CELF4: variants seen among roughly 807,000 people sequenced by gnomAD.
CELF4 encodes the protein CUGBP Elav-like family member 4.
A neutral mutation model predicts 59.9 loss-of-function variants in CELF4; 18 were observed. The observed-to-expected ratio is 0.30, with a 90% CI of 0.21 to 0.45. The LOEUF is 0.45. CELF4 is among the 20% of genes least tolerant of loss of function. The pLI is 1.00. For synonymous variants in CELF4, 261 were observed against 267.1 expected (o/e 0.98, Z 0.22); for missense variants, 456 against 689.0 (o/e 0.66, Z 3.79).
chr18:37,384,853 G>A (rs371047798), intron 2 of CELF4, among the ~76,000 whole-genome samples: 1 of 152,174 alleles, frequency 6.6e-6, no homozygotes, highest in Non-Finnish European at 1.5e-5. Context: ...GTCACCCAGT[G>A]AGGTGGCCAG....
rs75987008 is a variant in CELF4 at position 37,513,105 on chromosome 18, C to A, written c.287-27498G>T. On this transcript the variant is annotated intron_variant, in intron 1 of 12. Transcript: ENST00000420428. ...TTGGGAGAAGAGTTGAAACCCATGA[C>A]CTTCCCTAGCATCCACCAACCACCT... Among the ~76,000 whole-genome samples, 1,294 of 152,310 alleles carry A rather than the reference C, an allele frequency of 8.5e-3. 7 individuals are homozygous for A. Among genetic ancestry groups the A allele is most frequent in the Middle Eastern group, 0.051 (15 of 292 alleles).
intron 2 of CELF4, among the ~76,000 whole-genome samples, chr18:37,379,151 C>T (rs1023028142): frequency 5.3e-5 from 8 of 152,130 alleles, no homozygotes; most frequent in African/African-American, 1.7e-4. Flanking sequence ...TCCCCCGGGG[C>T]CTGGCCTAGG....
chr18:37,456,292 G>A (rs1240249996), intron 2 of CELF4, among the ~76,000 whole-genome samples: 1 of 152,114 alleles, frequency 6.6e-6, no homozygotes, highest in African/African-American at 2.4e-5. Context: ...GGCTTGGTAA[G>A]GACTCTGGAA....
chr18:37,491,749 T>TG (rs1346147547), intron 1 of CELF4, among the ~76,000 whole-genome samples: 1 of 151,894 alleles, frequency 6.6e-6, no homozygotes, highest in Non-Finnish European at 1.5e-5. Context: ...CACGCAGGGG[T>TG]GGCGGATGCC....
intron 2 of CELF4, among the ~76,000 whole-genome samples, chr18:37,432,696 C>T (rs2099673862): frequency 2.0e-5 from 3 of 152,224 alleles, no homozygotes; most frequent in Admixed American, 6.5e-5. Flanking sequence ...GAAGCTGCTT[C>T]CTGTTTCAGG....
In CELF4 at chr18:37,459,743, G is replaced by C. The variant is rs186459360; in HGVS notation, c.369+25782C>G. ...CTTGGGTTGGCTGTGCTCACACTCA[G>C]TGGGGAGCGGGTGGAGGTCTTGGCA... is the stretch of plus-strand genomic sequence containing the variant. On this transcript the variant is annotated intron_variant, in intron 2 of 12. Coordinates refer to ENST00000420428, the MANE Select transcript of CELF4 (RefSeq NM_020180.4). Among the ~76,000 whole-genome samples, 6 of 152,298 alleles carry C rather than the reference G, an allele frequency of 3.9e-5. No homozygotes were observed. In the East Asian group the frequency reaches 1.2e-3, roughly 29 times the overall value.
intron 1 of CELF4, among the ~76,000 whole-genome samples, chr18:37,514,703 T>A (rs1050727300): frequency 6.6e-6 from 1 of 152,104 alleles, no homozygotes; most frequent in African/African-American, 2.4e-5. Flanking sequence ...ATCTGGGGTA[T>A]AAAATGGGTT....
intron 2 of CELF4, among the ~76,000 whole-genome samples, chr18:37,410,001 G>A (rs996640429): frequency 6.6e-6 from 1 of 152,164 alleles, no homozygotes; most frequent in African/African-American, 2.4e-5. Flanking sequence ...TGCTAATATT[G>A]GGATGAGAAA....
At chr18:37,453,552 A>C (rs1277318545) in intron 2 of CELF4, among the ~76,000 whole-genome samples, 1 of 152,198 alleles carries the variant, frequency 6.6e-6, no homozygotes, top group Non-Finnish European at 1.5e-5. Flanking sequence ...AAGGGGTTAC[A>C]GAAAAAGCCG....
At chr18:37,549,428 G>A (rs762233291) in intron 1 of CELF4, among the ~76,000 whole-genome samples, 22 of 152,166 alleles carry the variant, frequency 1.4e-4, no homozygotes, top group Non-Finnish European at 2.9e-4. Flanking sequence ...GGGCTGCCCC[G>A]CAGGCCAGGC....
intron 2 of CELF4, among the ~76,000 whole-genome samples, chr18:37,482,108 TTG>T (rs34634718): frequency 0.29 from 43,614 of 151,808 alleles, 6,431 homozygotes; most frequent in South Asian, 0.37. Flanking sequence ...ATGTAGATAT[TTG>T]TGTGTGTGTG....
intron 3 of CELF4, among the ~76,000 whole-genome samples, chr18:37,291,860 C>T (rs1419395057): frequency 6.6e-6 from 1 of 152,232 alleles, no homozygotes; most frequent in East Asian, 1.9e-4. Context: ...TGACCAGTTC[C>T]TTGTCCCAAC....
rs535130661 is a variant in CELF4, at chr18:37,272,614, C to T, written c.949+402G>A. On this transcript the variant is annotated intron_variant, in intron 7 of 12. Coordinates refer to ENST00000420428, the MANE Select transcript of CELF4 (RefSeq NM_020180.4). ...AAAAAAGACGACACCCAAATGGGTTCCTTCTGTGCTTGGGCCAGGGGCTGA... is the reference window on the plus strand; with the variant it reads ...AAAAAAGACGACACCCAAATGGGTTTCTTCTGTGCTTGGGCCAGGGGCTGA... Among the ~76,000 whole-genome samples the T allele has an allele frequency of 2.0e-5, 3 of 149,412 alleles. No individual in the cohort carries two copies. The South Asian group carries it at 6.4e-4, about 32-fold the overall frequency.
intron 2 of CELF4, among the ~76,000 whole-genome samples, chr18:37,404,479 G>C (rs1171632970): frequency 1.3e-5 from 2 of 152,220 alleles, no homozygotes; most frequent in East Asian, 3.9e-4. Flanking sequence ...CAGGGAACTT[G>C]GAAAACAGGA....
chr18:37,246,293 TA>T lies in CELF4; in HGVS notation c.*45-1097del, dbSNP rs774679132. 8.5e-5 allele frequency among the ~76,000 whole-genome samples: 13 copies of T among 152,096 alleles called. No homozygotes were observed. Among genetic ancestry groups the T allele is most frequent in the Non-Finnish European group, 1.9e-4 (13 of 68,012 alleles). ...CAGTCTAAACAATTACAACACCAAA[TA>T]AAATAATAATAAAATTAAAAAACAC... On this transcript the variant is annotated intron_variant, in intron 12 of 12. Transcript: ENST00000420428. The surrounding 1 kb of genome is among the most constrained non-coding windows in gnomAD (Gnocchi z 5.3).
chr18:37,431,362 C>CTTTT lies in CELF4; in HGVS notation c.369+54159_369+54162dup, dbSNP rs35971960. Among the ~76,000 whole-genome samples the CTTTT allele has an allele frequency of 8.5e-4, 69 of 81,556 alleles. 1 individual carries two copies. Among genetic ancestry groups the CTTTT allele is most frequent in the East Asian group, 2.0e-3 (5 of 2,456 alleles). The allele number at this position is 81,556 out of a possible 152,430, so 53.5% of individuals were successfully genotyped here. On this transcript the variant is annotated intron_variant, in intron 2 of 12. Coordinates refer to ENST00000420428, the MANE Select transcript of CELF4 (RefSeq NM_020180.4). ...ACACAGCCACTTTCTCCTTTCTTTC[C>CTTTT]TTTTTTTTTTTTTTTTTTTTTTTGA...
At chr18:37,441,168 G>A (rs1004869300) in intron 2 of CELF4, among the ~76,000 whole-genome samples, 4 of 152,142 alleles carry the variant, frequency 2.6e-5, no homozygotes, top group East Asian at 1.9e-4. Context: ...TCCCAGCCAC[G>A]GAGGGTGGGG....
intron 2 of CELF4, among the ~76,000 whole-genome samples, chr18:37,449,442 GGA>G (rs531880397): frequency 5.9e-4 from 90 of 152,240 alleles, no homozygotes; most frequent in African/African-American, 2.1e-3. Context: ...TAGGGAGGTG[GGA>G]GAAGTTCTAC....
intron 2 of CELF4, among the ~76,000 whole-genome samples, chr18:37,476,998 G>A (rs1446414044): frequency 6.6e-6 from 1 of 152,232 alleles, no homozygotes; most frequent in Non-Finnish European, 1.5e-5. Context: ...CGCAGGGTGA[G>A]CTAGGCTGAA....
Sources: allele counts gnomAD v4.1 joint callset (sites outside exome capture counted in the v4.1 genomes callset), GRCh38; gene constraint gnomAD v4.1.1; non-coding constraint Gnocchi (gnomAD v3.1); transcripts MANE v1.5; gene names NCBI Gene and HGNC (gene_info 2026-07-23, HGNC 2026-07-21).